The following PIP5K1B variants were observed in gnomAD, a reference collection of about 807,000 sequenced individuals.
PIP5K1B encodes phosphatidylinositol-4-phosphate 5-kinase type 1 beta.
In PIP5K1B, 42 loss-of-function variants were observed where a neutral mutation model predicts 67.0. The ratio of observed to expected loss-of-function variants is 0.63; its 90% CI spans 0.49 to 0.81. The LOEUF is 0.81. PIP5K1B is among the 30% of genes least tolerant of loss of function. The pLI is 0.00. For missense variants in PIP5K1B, 459 were observed against 646.3 expected (o/e 0.71, Z 3.14); for synonymous variants, 214 against 231.4 (o/e 0.92, Z 0.68).
chr9:68,794,135 G>A (rs1388653070), intron 2 of PIP5K1B, among the ~76,000 whole-genome samples: 1 of 152,212 alleles, frequency 6.6e-6, no homozygotes, highest in Non-Finnish European at 1.5e-5. Flanking sequence ...GAGAGTCATT[G>A]CGGTGGAGTG....
rs1827274625 is a variant in PIP5K1B at position 68,709,338 on chromosome 9, T to C, written c.-243+3576T>C. On this transcript the variant is annotated intron_variant, in intron 1 of 15. Transcript: ENST00000265382. ...CCTCAACCTCCCCAGGCTCAGGTAA[T>C]CCTCCCACCTCAACTTCCTGAGTAG... Among the ~76,000 whole-genome samples, 2 of 151,982 alleles carry C rather than the reference T, an allele frequency of 1.3e-5. 1 individual carries two copies. Among genetic ancestry groups the C allele is most frequent in the South Asian group, 4.2e-4 (2 of 4,816 alleles).
At chr9:68,789,039 G>T in intron 2 of PIP5K1B, 1 of 464,566 alleles carries the variant, frequency 2.2e-6, no homozygotes, top group South Asian at 2.0e-5. Flanking sequence ...GCTTGATACA[G>T]CATCAATCAT....
chr9:68,727,120 G>A (rs1828191887), intron 1 of PIP5K1B, among the ~76,000 whole-genome samples: 1 of 152,114 alleles, frequency 6.6e-6, no homozygotes, highest in Non-Finnish European at 1.5e-5. Flanking sequence ...AAATTAAACA[G>A]AAGAATTAGA....
At chr9:68,940,336 C>T (rs1827495645) in intron 13 of PIP5K1B, among the ~76,000 whole-genome samples, 2 of 152,188 alleles carry the variant, frequency 1.3e-5, no homozygotes, top group African/African-American at 4.8e-5. Context: ...TGCTTTAACT[C>T]CTATGAGTTT....
At chr9:68,808,428 C>T (rs1169693739) in intron 2 of PIP5K1B, among the ~76,000 whole-genome samples, 1 of 152,004 alleles carries the variant, frequency 6.6e-6, no homozygotes, top group Non-Finnish European at 1.5e-5. Flanking sequence ...GACACTATCA[C>T]CAGATACACA....
intron 2 of PIP5K1B, among the ~76,000 whole-genome samples, chr9:68,779,693 T>C (rs1366349443): frequency 6.6e-6 from 1 of 152,136 alleles, no homozygotes; most frequent in East Asian, 1.9e-4. Context: ...TCCTGCAAAG[T>C]TCTACATCGC....
chr9:68,887,419 A>G (rs1260940162), intron 6 of PIP5K1B, among the ~76,000 whole-genome samples: 1 of 152,216 alleles, frequency 6.6e-6, no homozygotes, highest in Non-Finnish European at 1.5e-5. Context: ...ATGAGAAGTT[A>G]GTCTCTGTGG....
chr9:68,922,301 A>G (rs934158143), intron 11 of PIP5K1B, among the ~76,000 whole-genome samples: 19 of 152,074 alleles, frequency 1.2e-4, no homozygotes, highest in Admixed American at 5.2e-4. Context: ...CCCCTCTACT[A>G]AAAATACAAA....
At chr9:68,840,629 T>C (rs1327077312) in intron 4 of PIP5K1B, among the ~76,000 whole-genome samples, 2 of 152,168 alleles carry the variant, frequency 1.3e-5, no homozygotes, top group East Asian at 3.9e-4. Context: ...GCCGCTTCCT[T>C]CACCTTTAAA....
At chr9:68,934,494 A>C (rs1460452991) in intron 12 of PIP5K1B, among the ~76,000 whole-genome samples, 1 of 152,192 alleles carries the variant, frequency 6.6e-6, no homozygotes, top group African/African-American at 2.4e-5. Context: ...AATTCTCTAT[A>C]CTTTACCATC....
intron 4 of PIP5K1B, among the ~76,000 whole-genome samples, chr9:68,858,267 C>T (rs979410706): frequency 1.3e-5 from 2 of 152,134 alleles, no homozygotes; most frequent in Non-Finnish European, 2.9e-5. Flanking sequence ...AGCCACTGCA[C>T]CTGGCCCTCT....
At chr9:68,868,493 A>T (rs1217914219) in intron 5 of PIP5K1B, among the ~76,000 whole-genome samples, 1 of 152,256 alleles carries the variant, frequency 6.6e-6, no homozygotes, top group Non-Finnish European at 1.5e-5. Context: ...TCCAGCCAGT[A>T]AATGGTAAAG....
chr9:68,994,293 C>T (rs1346530067), intron 15 of PIP5K1B, among the ~76,000 whole-genome samples: 3 of 152,018 alleles, frequency 2.0e-5, no homozygotes, highest in East Asian at 1.9e-4. Flanking sequence ...CCGCCCGCCT[C>T]GGCCTCCCAA....
At chr9:68,716,999 C>T (rs1467988563) in intron 1 of PIP5K1B, among the ~76,000 whole-genome samples, 1 of 152,126 alleles carries the variant, frequency 6.6e-6, no homozygotes, top group Non-Finnish European at 1.5e-5. Context: ...AACCAAATAC[C>T]GCGTGTTCTC....
chr9:68,787,546 C>T (rs1044437700), intron 2 of PIP5K1B, among the ~76,000 whole-genome samples: 1 of 151,776 alleles, frequency 6.6e-6, no homozygotes, highest in African/African-American at 2.4e-5. Flanking sequence ...ATTCTGTTTC[C>T]TCCTCCTTCT....
chr9:68,827,003 C>T (rs191806930), intron 4 of PIP5K1B, among the ~76,000 whole-genome samples: 21 of 152,322 alleles, frequency 1.4e-4, no homozygotes, highest in African/African-American at 4.3e-4. Context: ...CGACCCACCT[C>T]GGCCTCCCAG....
intron 15 of PIP5K1B, among the ~76,000 whole-genome samples, chr9:68,995,983 G>A (rs949791889): frequency 2.0e-5 from 3 of 152,128 alleles, no homozygotes; most frequent in Non-Finnish European, 4.4e-5. Context: ...GTACAGTGTT[G>A]TCACCAAACG....
chr9:68,719,593 C>T (rs1827788363), intron 1 of PIP5K1B, among the ~76,000 whole-genome samples: 1 of 151,986 alleles, frequency 6.6e-6, no homozygotes, highest in East Asian at 1.9e-4. Flanking sequence ...TTATTTTTTT[C>T]AAGATGTGTT....
intron 4 of PIP5K1B, among the ~76,000 whole-genome samples, chr9:68,840,647 A>G (rs1012734524): frequency 2.0e-5 from 3 of 152,150 alleles, no homozygotes; most frequent in African/African-American, 2.4e-5. Flanking sequence ...AAAGCCAACA[A>G]TGGCAGATTG....
Sources: allele counts gnomAD v4.1 joint callset (sites outside exome capture counted in the v4.1 genomes callset), GRCh38; gene constraint gnomAD v4.1.1; transcripts MANE v1.5; gene names NCBI Gene and HGNC (gene_info 2026-07-23, HGNC 2026-07-21).